RIN3: variants seen among roughly 807,000 people sequenced by gnomAD.
RIN3 encodes RAB5 interacting protein 3.
A neutral mutation model predicts 76.3 loss-of-function variants in RIN3; 54 were observed. The observed-to-expected ratio is 0.71, with a 90% CI of 0.57 to 0.89. RIN3 has a LOEUF of 0.89. Among genes scored for constraint, RIN3 ranks in the 40% least tolerant of loss-of-function variants. RIN3 has a pLI of 0.00. For synonymous variants in RIN3, 576 were observed against 564.0 expected (o/e 1.02, Z -0.30); for missense variants, 1,256 against 1,322.1 (o/e 0.95, Z 0.78).
intron 4 of RIN3, 105 bp from the exon 5 acceptor site, chr14:92,641,133 G>T: frequency 2.3e-6 from 2 of 857,560 alleles, no homozygotes; most frequent in East Asian, 4.9e-5. Context: ...CAGGCTGTAT[G>T]GAGACCCTGG....
At chr14:92,651,207 G>A (rs534008424) in intron 5 of RIN3, among the ~76,000 whole-genome samples, 21 of 152,174 alleles carry the variant, frequency 1.4e-4, no homozygotes, top group African/African-American at 3.4e-4. Context: ...CAGGCCTTCC[G>A]TCCCCTGTGC....
At chr14:92,560,409 C>T (rs903242695) in intron 2 of RIN3, among the ~76,000 whole-genome samples, 9 of 152,068 alleles carry the variant, frequency 5.9e-5, no homozygotes, top group African/African-American at 1.2e-4. Flanking sequence ...CACTCCTCCC[C>T]GTGCACCTCT....
At chr14:92,537,136 C>A (rs969822505) in intron 1 of RIN3, among the ~76,000 whole-genome samples, 3 of 152,170 alleles carry the variant, frequency 2.0e-5, no homozygotes, top group African/African-American at 7.2e-5. Flanking sequence ...TATGCAAATA[C>A]AAATAATTAT....
intron 3 of RIN3, among the ~76,000 whole-genome samples, chr14:92,589,752 G>T (rs908044709): frequency 3.3e-5 from 5 of 152,198 alleles, no homozygotes; most frequent in African/African-American, 1.2e-4. Flanking sequence ...CTCCATTCCT[G>T]ATTGCCCCCC....
At chr14:92,667,646 T>C (rs1488360174) in intron 7 of RIN3, among the ~76,000 whole-genome samples, 1 of 152,242 alleles carries the variant, frequency 6.6e-6, no homozygotes, top group African/African-American at 2.4e-5. Flanking sequence ...GGTAAATAGA[T>C]AATTGGTTAA....
chr14:92,515,251 T>C lies in RIN3; in HGVS notation c.44+1275T>C, dbSNP rs774673570. ...TCCGGTGGGAAGAACTGGGAATCCG[T>C]TGGGGAAGAGCCCCCCAACCCTCAC... On this transcript the variant is annotated intron_variant, in intron 1 of 9. Transcript: ENST00000216487. The C allele has an allele frequency of 5.2e-4, 365 of 700,474 alleles. 2 individuals carry two copies. Among genetic ancestry groups the C allele is most frequent in the South Asian group, 4.0e-3 (267 of 67,248 alleles). The allele number at this position is 700,474 out of a possible 1,614,324, so 43.4% of individuals were successfully genotyped here.
Position 92,615,445 on chromosome 14 carries a change from A to G in RIN3, c.406A>G (p.Ile136Val). Residue 136 changes from isoleucine (I) to valine (V), a missense_variant, in exon 4 of 10, where the codon ATC becomes GTC. Ile to Val is a conservative substitution (Grantham distance 29). Coordinates refer to ENST00000216487, the MANE Select transcript of RIN3 (RefSeq NM_024832.5). ...LEGSALVFED[I>V]FRLIAFYCVS... is the part of the protein sequence containing the mutation. Reference sequence around the variant, plus strand: ...AGGCTCGGCTCTTGTGTTTGAGGACATCTTCAGATTGATTGCGTTCTACTG... The same window carrying G: ...AGGCTCGGCTCTTGTGTTTGAGGACGTCTTCAGATTGATTGCGTTCTACTG... 2 of 1,614,104 alleles carry G rather than the reference A, an allele frequency of 1.2e-6. No individual in the cohort carries two copies. Among genetic ancestry groups the G allele is most frequent in the Non-Finnish European group, 1.7e-6 (2 of 1,179,996 alleles).
intron 9 of RIN3, 24 bp from the exon 10 acceptor site, chr14:92,687,902 C>T: frequency 6.6e-7 from 1 of 1,523,082 alleles, no homozygotes; most frequent in South Asian, 1.2e-5. Flanking sequence ...CCGCCGTGAC[C>T]ACAGGCCCCT....
intron 3 of RIN3, among the ~76,000 whole-genome samples, chr14:92,610,570 C>T (rs1885696387): frequency 1.3e-5 from 2 of 152,152 alleles, no homozygotes; most frequent in Admixed American, 6.5e-5. Context: ...GCGGCATTTC[C>T]CTGATGGGCA....
At chr14:92,575,507 T>G (rs757723216) in intron 2 of RIN3, among the ~76,000 whole-genome samples, 1 of 152,178 alleles carries the variant, frequency 6.6e-6, no homozygotes, top group Non-Finnish European at 1.5e-5. Context: ...ATTTCTTGAT[T>G]ATTTACTGAA....
At chr14:92,597,804 A>G (rs745621327) in intron 3 of RIN3, among the ~76,000 whole-genome samples, 1 of 152,170 alleles carries the variant, frequency 6.6e-6, no homozygotes, top group Non-Finnish European at 1.5e-5. Context: ...AATGTTCTCT[A>G]TGTGCCTCTT....
Position 92,652,979 on chromosome 14 carries a change from A to G in RIN3, c.1930A>G (p.Ile644Val), listed in dbSNP as rs1887527170. Reference sequence around the variant, plus strand: ...CTCCAGCACGGAGATGCTGCAGGAGATTCGCACCATGATGACCCAGCTCAA... The same window carrying G: ...CTCCAGCACGGAGATGCTGCAGGAGGTTCGCACCATGATGACCCAGCTCAA... ...QTSSTEMLQE[I>V]RTMMTQLKSY... The change falls in exon 6 of 10, where the codon ATT (isoleucine) becomes GTT (valine). Residue 644 changes from isoleucine to valine, a missense_variant. Around this residue, in one of 3 missense-constraint regions of RIN3, gnomAD observed 428 missense variants for 521.2 expected, o/e 0.82. Transcript: ENST00000216487. The surrounding 1 kb of genome is among the most constrained non-coding windows in gnomAD (Gnocchi z 6.4). 6.2e-7 allele frequency: 1 copy of G among 1,613,330 alleles called. No individual in the cohort carries two copies. Among genetic ancestry groups the G allele is most frequent in the South Asian group, 1.1e-5 (1 of 91,076 alleles).
intron 7 of RIN3, among the ~76,000 whole-genome samples, chr14:92,671,896 C>T (rs1163168049): frequency 2.0e-5 from 3 of 152,116 alleles, no homozygotes; most frequent in East Asian, 1.9e-4. Flanking sequence ...CACAAGGGGC[C>T]GCATTGTCTA....
At chr14:92,599,250 T>TCAA in intron 3 of RIN3, among the ~76,000 whole-genome samples, 1 of 151,550 alleles carries the variant, frequency 6.6e-6, no homozygotes, top group East Asian at 1.9e-4. Flanking sequence ...CCCTTGGGGG[T>TCAA]GTGAAGACTG....
rs1280228815 is a variant in RIN3 at position 92,537,848 on chromosome 14, T to A, written c.45-17903T>A. On this transcript the variant is annotated intron_variant, in intron 1 of 9. Transcript: ENST00000216487. ...ATTTATTTTATTTTATTTATTTTTT[T>A]TTTTTTGAGACGGAGTCTTGCTCTG... Among the ~76,000 whole-genome samples, 166 of 151,138 alleles carry A rather than the reference T, an allele frequency of 1.1e-3. 2 individuals carry two copies. The highest frequency in any genetic ancestry group is 3.0e-3 in the African/African-American group (124 of 41,222).
intron 1 of RIN3, among the ~76,000 whole-genome samples, chr14:92,542,595 G>A (rs922787677): frequency 1.3e-5 from 2 of 152,046 alleles, no homozygotes; most frequent in African/African-American, 4.8e-5. Flanking sequence ...TGAAAACATA[G>A]GTTCCATACA....
At position 92,643,275 on chromosome 14, in the gene RIN3, A is replaced by C. The variant is rs1243768905; in HGVS notation, c.532+1946A>C. Among the ~76,000 whole-genome samples, 1 of 151,962 alleles carries C rather than the reference A, an allele frequency of 6.6e-6. No individual in the cohort carries two copies. The highest frequency in any genetic ancestry group is 1.5e-5 in the Non-Finnish European group (1 of 67,978). On this transcript the variant is annotated intron_variant, in intron 5 of 9. Transcript: ENST00000216487. This position sits in a 1 kb window ranked among gnomAD's most constrained non-coding sequence, Gnocchi z 4.8. ...CACCATATTGGTCAGGCTGGTCTTGAACTCCTGACCTCATGATCCACCCAC... is the reference window on the plus strand; with the variant it reads ...CACCATATTGGTCAGGCTGGTCTTGCACTCCTGACCTCATGATCCACCCAC...
At chr14:92,600,747 G>T (rs932531151) in intron 3 of RIN3, among the ~76,000 whole-genome samples, 5 of 152,214 alleles carry the variant, frequency 3.3e-5, no homozygotes, top group Non-Finnish European at 7.3e-5. Flanking sequence ...CTCGAGCAGG[G>T]TGTCTGAAAC....
intron 8 of RIN3, among the ~76,000 whole-genome samples, chr14:92,682,488 A>C (rs1170826528): frequency 6.6e-6 from 1 of 152,224 alleles, no homozygotes; most frequent in Non-Finnish European, 1.5e-5. Flanking sequence ...GCATCCAGGG[A>C]ACTATGGGCC....
Sources: allele counts gnomAD v4.1 joint callset (sites outside exome capture counted in the v4.1 genomes callset), GRCh38; gene constraint gnomAD v4.1.1; regional missense constraint gnomAD v4.1.1; non-coding constraint Gnocchi (gnomAD v3.1); transcripts MANE v1.5; gene names NCBI Gene and HGNC (gene_info 2026-07-23, HGNC 2026-07-21).